PCDH15: variants seen among roughly 807,000 people sequenced by gnomAD.
PCDH15 encodes protocadherin-15.
In PCDH15, 129 loss-of-function variants were observed where a neutral mutation model predicts 178.5. That is an observed-to-expected ratio of 0.72 (90% confidence interval 0.63 to 0.84). The LOEUF is 0.84. PCDH15 is among the 40% of genes least tolerant of loss of function. PCDH15 has a pLI of 0.00. For missense variants in PCDH15, 2,230 were observed against 2,099.9 expected (o/e 1.06, Z -1.21); for synonymous variants, 800 against 732.0 (o/e 1.09, Z -1.50).
chr10:54,925,546 C>G (rs780629563), intron 2 of PCDH15, among the ~76,000 whole-genome samples: 2 of 152,006 alleles, frequency 1.3e-5, no homozygotes, highest in Non-Finnish European at 2.9e-5. Flanking sequence ...GTGTGACCAT[C>G]TTAACCATAT....
At chr10:54,171,959 C>T (rs988309406) in intron 13 of PCDH15, among the ~76,000 whole-genome samples, 2 of 151,080 alleles carry the variant, frequency 1.3e-5, no homozygotes, top group African/African-American at 4.9e-5. Flanking sequence ...AGAAACATCG[C>T]CCATTCTCTC....
intron 2 of PCDH15, among the ~76,000 whole-genome samples, chr10:54,929,927 G>A (rs1837727175): frequency 6.6e-6 from 1 of 152,172 alleles, no homozygotes; most frequent in African/African-American, 2.4e-5. Flanking sequence ...CAGATAGATA[G>A]GATAAGGAAG....
intron 1 of PCDH15, among the ~76,000 whole-genome samples, chr10:54,725,235 T>TA (rs1005448114): frequency 2.6e-5 from 4 of 151,098 alleles, no homozygotes; most frequent in Non-Finnish European, 5.9e-5. Flanking sequence ...TACTAATTTG[T>TA]AAAAATATTT....
intron 1 of PCDH15, among the ~76,000 whole-genome samples, chr10:55,274,633 T>G (rs1016793110): frequency 2.6e-5 from 4 of 152,078 alleles, no homozygotes. Context: ...TTTCCAAACC[T>G]GCTTTTCTTA....
intron 15 of PCDH15, among the ~76,000 whole-genome samples, chr10:54,129,639 C>G (rs955997839): frequency 1.3e-5 from 2 of 152,006 alleles, no homozygotes; most frequent in African/African-American, 4.8e-5. Context: ...TGTGCCTGAC[C>G]GCATATTAAG....
intron 1 of PCDH15, among the ~76,000 whole-genome samples, chr10:54,687,970 T>A (rs1345683147): frequency 6.6e-6 from 1 of 152,108 alleles, no homozygotes; most frequent in Non-Finnish European, 1.5e-5. Flanking sequence ...AACAACATTA[T>A]GTCTATAGTC....
At chr10:54,365,278 A>G (rs1241623952) in intron 5 of PCDH15, among the ~76,000 whole-genome samples, 1 of 152,118 alleles carries the variant, frequency 6.6e-6, no homozygotes, top group Non-Finnish European at 1.5e-5. Context: ...TTGTAAAGCT[A>G]CTGTGAGGAC....
At chr10:54,569,743 A>C (rs1008861319) in intron 2 of PCDH15, among the ~76,000 whole-genome samples, 5 of 152,162 alleles carry the variant, frequency 3.3e-5, no homozygotes, top group African/African-American at 1.2e-4. Context: ...GGCAACAGTG[A>C]AATAAGGAAG....
At chr10:55,486,719 C>T (rs1169911574) in intron 2 of PCDH15, among the ~76,000 whole-genome samples, 1 of 151,526 alleles carries the variant, frequency 6.6e-6, no homozygotes, top group African/African-American at 2.4e-5. Context: ...GTTGATCAGG[C>T]TCATCTCAAA....
chr10:54,779,382 G>GTC (rs58210737), intron 1 of PCDH15, among the ~76,000 whole-genome samples: 8 of 112,604 alleles, frequency 7.1e-5, no homozygotes, highest in East Asian at 2.9e-4. Flanking sequence ...ATATTTATCT[G>GTC]TCTCTCTCTC....
chr10:55,068,865 A>C (rs1841639513), intron 2 of PCDH15, among the ~76,000 whole-genome samples: 1 of 151,270 alleles, frequency 6.6e-6, no homozygotes, highest in South Asian at 2.1e-4. Context: ...TTTTGTAGCT[A>C]TTGTAAATGG....
intron 8 of PCDH15, among the ~76,000 whole-genome samples, chr10:54,244,226 G>A (rs1210301382): frequency 6.6e-6 from 1 of 152,092 alleles, no homozygotes; most frequent in South Asian, 2.1e-4. Flanking sequence ...TAATGTGACT[G>A]AATTTGTTTC....
At chr10:55,597,388 T>C (rs913958755) in intron 2 of PCDH15, among the ~76,000 whole-genome samples, 3 of 152,098 alleles carry the variant, frequency 2.0e-5, no homozygotes, top group Non-Finnish European at 1.5e-5. Flanking sequence ...TTAAATTAGG[T>C]AAGAGGTACC....
chr10:54,731,549 T>G (rs549049694), intron 1 of PCDH15, among the ~76,000 whole-genome samples: 21 of 32,316 alleles, frequency 6.5e-4, no homozygotes, highest in East Asian at 1.5e-3. Flanking sequence ...GAGATAGATA[T>G]ATATATATAT....
chr10:54,465,243 C>G (rs906953752), intron 3 of PCDH15, among the ~76,000 whole-genome samples: 1 of 152,002 alleles, frequency 6.6e-6, no homozygotes, highest in African/African-American at 2.4e-5. Context: ...CTTTTCATCT[C>G]AATGCGTTAA....
At chr10:54,874,280 T>C (rs995242693) in intron 3 of PCDH15, among the ~76,000 whole-genome samples, 2 of 146,868 alleles carry the variant, frequency 1.4e-5, no homozygotes, top group Non-Finnish European at 3.0e-5. Context: ...ATTTCATCCA[T>C]GTCCCTACAA....
rs189758654 is a variant in PCDH15, at chr10:55,486,224, G to A, written c.-156+141401C>T. Among the ~76,000 whole-genome samples the A allele has an allele frequency of 1.8e-3, 267 of 151,534 alleles. 2 individuals are homozygous for A. Among genetic ancestry groups the A allele is most frequent in the African/African-American group, 6.2e-3 (255 of 41,392 alleles). ...TCACCAAACGTGAGGGTGATCCTGG[G>A]GATACCTTCCATAATAGTTTTTAAC... is the stretch of plus-strand genomic sequence containing the variant. On this transcript the variant is annotated intron_variant, in intron 2 of 5. Transcript: ENST00000613346.
intron 28 of PCDH15, among the ~76,000 whole-genome samples, chr10:53,844,601 T>G (rs569355232): frequency 5.9e-5 from 9 of 152,022 alleles, no homozygotes; most frequent in Non-Finnish European, 1.3e-4. Context: ...CAATCATTTT[T>G]GACCAAGATG....
At position 54,283,771 on chromosome 10, in the gene PCDH15, C is replaced by T. The variant is rs116366277; in HGVS notation, c.876+33500G>A. On this transcript the variant is annotated intron_variant, in intron 8 of 37. Coordinates refer to ENST00000644397, the MANE Select transcript of PCDH15 (RefSeq NM_001384140.1). ...AATGAGCCTCGCTTGATGCTTCATA[C>T]ACCAGGAGAGCTGGAAGGATGCACA... Among the ~76,000 whole-genome samples the T allele has an allele frequency of 4.3e-3, 648 of 152,212 alleles. 7 individuals are homozygous for T. Among genetic ancestry groups the T allele is most frequent in the African/African-American group, 0.013 (531 of 41,546 alleles).
Sources: gnomAD v4.1 joint callset for allele counts (sites outside exome capture counted in the v4.1 genomes callset) on GRCh38, gnomAD v4.1.1 for gene constraint, MANE v1.5 for transcripts, NCBI Gene and HGNC (gene_info 2026-07-23, HGNC 2026-07-21) for gene names.